The following DMD variants were observed in gnomAD, a reference collection of about 807,000 sequenced individuals.
DMD encodes dystrophin, also known as mutant dystrophin.
DMD carries 63 observed loss-of-function variants against 330.1 expected under a neutral mutation model. The ratio of observed to expected loss-of-function variants is 0.19; its 90% CI spans 0.16 to 0.24. The LOEUF is 0.24. Ranked by LOEUF, DMD falls within the 10% of genes least tolerant of loss-of-function variation. The probability of loss-of-function intolerance (pLI) is 1.00; values close to 1 mark genes in which losing one functional copy is unlikely to be tolerated. For missense variants in DMD, 3,344 were observed against 2,684.1 expected (o/e 1.25, Z -5.43); for synonymous variants, 1,223 against 959.8 (o/e 1.27, Z -5.07).
At chrX:31,707,937 A>C (rs1326359491) in intron 52 of DMD, among the ~76,000 whole-genome samples, 2 of 112,022 alleles carry the variant, frequency 1.8e-5, no homozygotes, top group African/African-American at 6.5e-5. Flanking sequence ...AATAAAATAA[A>C]GGTCAAGAAG....
intron 45 of DMD, among the ~76,000 whole-genome samples, chrX:31,963,729 A>G (rs2095326913): frequency 9.1e-6 from 1 of 110,173 alleles, no homozygotes; most frequent in Admixed American, 9.8e-5. Flanking sequence ...ATTCATAATA[A>G]TATATTGAAT....
At chrX:32,352,278 T>C (rs2097784285) in intron 37 of DMD, among the ~76,000 whole-genome samples, 2 of 110,647 alleles carry the variant, frequency 1.8e-5, no homozygotes, top group Admixed American at 1.9e-4. Flanking sequence ...TAAGTTCTTG[T>C]CTCTAAATTC....
chrX:32,782,179 A>G (rs758626200), intron 7 of DMD, among the ~76,000 whole-genome samples: 1 of 112,028 alleles, frequency 8.9e-6, no homozygotes, highest in Non-Finnish European at 1.9e-5. Flanking sequence ...CTCCCTTAAC[A>G]TTAAAAAGGT....
At position 31,283,983 on chromosome X, in the gene DMD, AAATGCATTTAACATACCT is replaced by A. The variant is rs778345027; in HGVS notation, c.9225-22985_9225-22968del. Among the ~76,000 whole-genome samples, 16 of 112,287 alleles carry A rather than the reference AAATGCATTTAACATACCT, an allele frequency of 1.4e-4. No homozygotes were observed. The South Asian group carries it at 6.0e-3, about 42-fold the overall frequency. ...ATAAGTTGAAAATATTCTAAGTCAA[AAATGCATTTAACATACCT>A]AATCTACTCAACATCATAGCTCAGC... is the stretch of plus-strand genomic sequence containing the variant. On this transcript the variant is annotated intron_variant, in intron 62 of 78. Transcript: ENST00000357033.
At chrX:31,938,523 T>C in intron 45 of DMD, among the ~76,000 whole-genome samples, 1 of 111,973 alleles carries the variant, frequency 8.9e-6, no homozygotes. Context: ...TGCAACAATT[T>C]TGTTCAAATT....
chrX:32,164,151 C>T (rs753126123), intron 44 of DMD, among the ~76,000 whole-genome samples: 34 of 110,931 alleles, frequency 3.1e-4, no homozygotes, highest in Non-Finnish European at 4.0e-4. Context: ...GCAAGCAGAT[C>T]GCTTGAGCGC....
rs1426491738 is a variant in DMD at position 32,647,423 on chromosome X, G to C, written c.961-2271C>G. 4.5e-5 allele frequency among the ~76,000 whole-genome samples: 5 copies of C among 111,525 alleles called. No homozygotes were observed. In the East Asian group the frequency reaches 1.4e-3, roughly 32 times the overall value. On this transcript the variant is annotated intron_variant, in intron 9 of 78. Transcript: ENST00000357033. ...TAAACAAGGTTGCTGGCAGCCCTGG[G>C]AGATAATGCTTCCTATCTGAACCAG... is the stretch of plus-strand genomic sequence containing the variant.
At chrX:32,753,268 C>T (rs1277032526) in intron 7 of DMD, among the ~76,000 whole-genome samples, 1 of 112,078 alleles carries the variant, frequency 8.9e-6, no homozygotes, top group Non-Finnish European at 1.9e-5. Flanking sequence ...AACTATTATA[C>T]AATCATAATT....
At chrX:32,337,300 C>T (rs994340417) in intron 41 of DMD, among the ~76,000 whole-genome samples, 3 of 108,885 alleles carry the variant, frequency 2.8e-5, no homozygotes, top group Non-Finnish European at 5.7e-5. Flanking sequence ...TGGTAGATGC[C>T]AATTAACGTA....
intron 1 of DMD, among the ~76,000 whole-genome samples, chrX:33,204,830 A>G (rs756844275): frequency 8.9e-6 from 1 of 112,657 alleles, no homozygotes; most frequent in South Asian, 3.6e-4. Flanking sequence ...TTAGAGAGTC[A>G]CTTATTTTGA....
At chrX:31,471,512 G>T (rs1348227880) in intron 59 of DMD, among the ~76,000 whole-genome samples, 1 of 111,878 alleles carries the variant, frequency 8.9e-6, no homozygotes, top group African/African-American at 3.3e-5. Context: ...GATGAGCCGG[G>T]TACTGCAGTT....
At chrX:31,411,256 C>T (rs1279598800) in intron 60 of DMD, among the ~76,000 whole-genome samples, 2 of 111,073 alleles carry the variant, frequency 1.8e-5, no homozygotes, top group African/African-American at 6.6e-5. Flanking sequence ...AATAAAGGTC[C>T]CAGGCACAGC....
At chrX:32,930,798 C>G (rs1049447976) in intron 2 of DMD, among the ~76,000 whole-genome samples, 2 of 109,893 alleles carry the variant, frequency 1.8e-5, no homozygotes, top group Non-Finnish European at 3.8e-5. Flanking sequence ...CTAAGCAAAA[C>G]CATTCATTTC....
chrX:32,654,893 A>G (rs989194179), intron 9 of DMD, among the ~76,000 whole-genome samples: 1 of 111,906 alleles, frequency 8.9e-6, no homozygotes, highest in African/African-American at 3.3e-5. Context: ...GTATGTGTCC[A>G]CGAATTTATC....
At chrX:31,465,451 C>A (rs1336818069) in intron 59 of DMD, among the ~76,000 whole-genome samples, 1 of 110,821 alleles carries the variant, frequency 9.0e-6, no homozygotes, top group Non-Finnish European at 1.9e-5. Flanking sequence ...TGAGAACATG[C>A]GGTGCCTGGT....
chrX:33,197,705 C>CT (rs964668279), intron 1 of DMD, among the ~76,000 whole-genome samples: 14 of 111,070 alleles, frequency 1.3e-4, no homozygotes, highest in African/African-American at 2.3e-4. Context: ...TAACCTTTGA[C>CT]TTTTTTTTGC....
chrX:31,497,456 T>G (rs1371167653), intron 56 of DMD, among the ~76,000 whole-genome samples: 1 of 111,719 alleles, frequency 9.0e-6, no homozygotes, highest in African/African-American at 3.3e-5. Context: ...TGCGTCTCCT[T>G]TCCCCCTACC....
At chrX:31,666,699 G>A (rs760348671) in intron 53 of DMD, among the ~76,000 whole-genome samples, 10 of 111,895 alleles carry the variant, frequency 8.9e-5, no homozygotes, top group African/African-American at 3.2e-4. Flanking sequence ...CAATATCCCT[G>A]TTTTTCTGAA....
At chrX:31,456,034 T>A (rs754353847) in intron 59 of DMD, among the ~76,000 whole-genome samples, 1 of 108,239 alleles carries the variant, frequency 9.2e-6, no homozygotes, top group East Asian at 3.0e-4. Flanking sequence ...GGATTATAGA[T>A]GCTGGGGCTG....
Sources: allele counts gnomAD v4.1 joint callset (sites outside exome capture counted in the v4.1 genomes callset), GRCh38; gene constraint gnomAD v4.1.1; transcripts MANE v1.5; gene names NCBI Gene and HGNC (gene_info 2026-07-23, HGNC 2026-07-21).